FBXO11: variants seen among roughly 807,000 people sequenced by gnomAD.
FBXO11 encodes F-box only protein 11.
In FBXO11, 13 loss-of-function variants were observed where a neutral mutation model predicts 117.0. That is an observed-to-expected ratio of 0.11 (90% confidence interval 0.07 to 0.18). The LOEUF is 0.18. Ranked by LOEUF, FBXO11 falls within the 10% of genes least tolerant of loss-of-function variation. The pLI is 1.00. For synonymous variants in FBXO11, 490 were observed against 380.5 expected, an observed-to-expected ratio of 1.29 and a Z score of -3.35; for missense variants, 767 against 1,164.4, an observed-to-expected ratio of 0.66 and a Z score of 4.97.
intron 1 of FBXO11, among the ~76,000 whole-genome samples, chr2:47,848,759 G>T (rs986763146): frequency 6.6e-6 from 1 of 152,090 alleles, no homozygotes; most frequent in Non-Finnish European, 1.5e-5. Flanking sequence ...GATAATAAAT[G>T]TAGCACTGAA....
intron 1 of FBXO11, among the ~76,000 whole-genome samples, chr2:47,878,498 A>G: frequency 6.6e-6 from 1 of 151,918 alleles, no homozygotes; most frequent in East Asian, 2.0e-4. Context: ...CTGGGATTAC[A>G]GGTGCCTGCC....
In FBXO11 at chr2:47,818,950, T is replaced by C. The variant is rs752672905; in HGVS notation, c.1920+6A>G. 3 of 1,612,700 alleles carry C rather than the reference T, an allele frequency of 1.9e-6. No homozygotes were observed. The Admixed American group carries it at 5.0e-5, about 27-fold the overall frequency. On this transcript the variant is annotated splice_donor_region_variant and intron_variant, in intron 15 of 22. Coordinates refer to ENST00000403359, the MANE Select transcript of FBXO11 (RefSeq NM_001190274.2). The stretch of plus-strand genomic sequence containing the variant: ...TTTCCCATCCAAGAGTCCAGGCTAA[T>C]CCTACCTGCTTGCCACTGTGTATCC...
chr2:47,840,251 C>CT lies in FBXO11; in HGVS notation c.233-483dup, dbSNP rs570875844. On this transcript the variant is annotated intron_variant, in intron 1 of 22. Transcript: ENST00000403359. ...AGCCACCACGCCCAGCCGTGGAAGA[C>CT]TTTTTTTTAAAAAAAGGTGAGGAGG... 8.8e-4 allele frequency among the ~76,000 whole-genome samples: 133 copies of CT among 151,678 alleles called. 1 individual carries two copies. The highest frequency in any genetic ancestry group is 3.0e-3 in the African/African-American group (124 of 41,412).
chr2:47,847,712 A>T (rs995068116), intron 1 of FBXO11, among the ~76,000 whole-genome samples: 4 of 152,084 alleles, frequency 2.6e-5, no homozygotes, highest in African/African-American at 4.8e-5. Context: ...TCAAACGAAC[A>T]AATAAACAAA....
chr2:47,905,415 C>G (rs1678707631), intron 1 of FBXO11, 74 bp downstream of exon 1: 1 of 1,114,382 alleles, frequency 9.0e-7, no homozygotes, highest in African/African-American at 2.2e-5. Context: ...CGCCCGCCCG[C>G]CCGCCCGCCC....
intron 1 of FBXO11, among the ~76,000 whole-genome samples, chr2:47,890,533 G>A (rs996930343): frequency 5.9e-5 from 9 of 152,074 alleles, no homozygotes; most frequent in African/African-American, 1.7e-4. Flanking sequence ...GGCAGGGCAC[G>A]GTGGCTCACA....
intron 11 of FBXO11, among the ~76,000 whole-genome samples, chr2:47,823,628 C>T (rs772309609): frequency 2.6e-5 from 4 of 151,966 alleles, no homozygotes; most frequent in African/African-American, 9.7e-5. Flanking sequence ...TGGCTCACAC[C>T]TGTAATCCCA....
chr2:47,832,996 C>T lies in FBXO11; in HGVS notation c.1009G>A (p.Glu337Lys). 6.2e-7 allele frequency: 1 copy of T among 1,613,606 alleles called. No homozygotes were observed. Among genetic ancestry groups the T allele is most frequent in the Non-Finnish European group, 8.5e-7 (1 of 1,179,586 alleles). ...GTCATATATCCAACATAAGCATCTTCAGAGCCTTCCATAAAAACGAAGGTT... is the reference window on the plus strand; with the variant it reads ...GTCATATATCCAACATAAGCATCTTTAGAGCCTTCCATAAAAACGAAGGTT... ...DSTFVFMEGS[E>K]DAYVGYMTIR... is the part of the protein sequence containing the mutation. The change falls in exon 8 of 23, where the codon GAA becomes AAA. Residue 337 changes from glutamate (E) to lysine (K), a missense_variant. Glu to Lys is a moderately conservative substitution (Grantham distance 56, BLOSUM62 1). Around this residue, in one of 10 missense-constraint regions of FBXO11, gnomAD observed 123 missense variants for 145.0 expected, o/e 0.85. Coordinates refer to ENST00000403359, the MANE Select transcript of FBXO11 (RefSeq NM_001190274.2).
Position 47,866,752 on chromosome 2 carries a change from G to A in FBXO11, c.233-26983C>T, listed in dbSNP as rs542628937. 1.1e-4 allele frequency among the ~76,000 whole-genome samples: 16 copies of A among 152,192 alleles called. No individual in the cohort carries two copies. In the East Asian group the frequency reaches 2.7e-3, roughly 26 times the overall value. On this transcript the variant is annotated intron_variant, in intron 1 of 22. Coordinates refer to ENST00000403359, the MANE Select transcript of FBXO11 (RefSeq NM_001190274.2). ...CTCCCAAAGTGCTGGGATTACAGGC[G>A]TGAGCCACTGCGCCCGGCCTATGCT... is the stretch of plus-strand genomic sequence containing the variant.
At chr2:47,817,669 G>T (rs546158014) in intron 16 of FBXO11, among the ~76,000 whole-genome samples, 1 of 152,306 alleles carries the variant, frequency 6.6e-6, no homozygotes, top group South Asian at 2.1e-4. Context: ...GCCATTTGAG[G>T]ATTACTAATT....
chr2:47,818,962 G>T lies in FBXO11; in HGVS notation c.1914C>A (p.Gly638=). ...PVLRRNRIHS[G]KQVGVYFYDN... is the part of the protein sequence containing the mutation. ...GAGTCCAGGCTAATCCTACCTGCTTGCCACTGTGTATCCGGTTTCTTCTCA... is the reference window on the plus strand; with the variant it reads ...GAGTCCAGGCTAATCCTACCTGCTTTCCACTGTGTATCCGGTTTCTTCTCA... Residue 638 remains glycine, a synonymous_variant, in exon 15 of 23, where the codon GGC becomes GGA. Transcript: ENST00000403359. 6.2e-7 allele frequency: 1 copy of T among 1,613,242 alleles called. No individual in the cohort carries two copies. The highest frequency in any genetic ancestry group is 8.5e-7 in the Non-Finnish European group (1 of 1,179,870).
At chr2:47,840,582 C>G (rs1672941336) in intron 1 of FBXO11, among the ~76,000 whole-genome samples, 1 of 151,268 alleles carries the variant, frequency 6.6e-6, no homozygotes, top group African/African-American at 2.4e-5. Flanking sequence ...TCCCAAGCAG[C>G]TGGGGCTACA....
intron 1 of FBXO11, among the ~76,000 whole-genome samples, chr2:47,856,790 C>A (rs1674330587): frequency 6.6e-6 from 1 of 152,160 alleles, no homozygotes; most frequent in African/African-American, 2.4e-5. Flanking sequence ...ATTATATTAT[C>A]AACTGTGATA....
At chr2:47,825,659 C>T (rs1671699072) in intron 11 of FBXO11, among the ~76,000 whole-genome samples, 1 of 149,972 alleles carries the variant, frequency 6.7e-6, no homozygotes, top group Admixed American at 6.7e-5. Context: ...TCACTGAAGC[C>T]TCAATCTCCT....
chr2:47,899,943 ACGGTGGGG>A (rs1677975608), intron 1 of FBXO11, among the ~76,000 whole-genome samples: 1 of 140,506 alleles, frequency 7.1e-6, no homozygotes, highest in South Asian at 2.6e-4. Flanking sequence ...GTTAAAACAA[ACGGTGGGG>A]GGCGGGGGGA....
intron 1 of FBXO11, among the ~76,000 whole-genome samples, chr2:47,882,809 A>C (rs1676532145): frequency 6.6e-6 from 1 of 151,952 alleles, no homozygotes; most frequent in Middle Eastern, 3.2e-3. Context: ...AAGCCACCAC[A>C]CCCGGCTAAT....
rs929229146 is a variant in FBXO11, at chr2:47,905,541, C to A, written c.180G>T (p.Pro60=). 3.5e-5 allele frequency: 43 copies of A among 1,238,504 alleles called. No individual in the cohort carries two copies. In the African/African-American group the frequency reaches 5.2e-4, roughly 15 times the overall value. 76.7% of individuals were successfully genotyped at this position (1,238,504 alleles called of 1,614,324 possible). A position where few individuals can be genotyped will look rare whatever the true frequency, so the allele number is the denominator to read the frequency against. Reference sequence around the variant, plus strand: ...GAGGCAGCGGCGGAGGCGGCGGTGGCGGCGGCGGAGGCTGCTGCTGCTGCT... The same window carrying A: ...GAGGCAGCGGCGGAGGCGGCGGTGGAGGCGGCGGAGGCTGCTGCTGCTGCT... ...QQQQQQQPPP[P]PPPPPPLPQE... is the part of the protein sequence containing the mutation. The change falls in exon 1 of 23, where the codon CCG becomes CCT. Residue 60 remains proline (P), a synonymous_variant. Transcript: ENST00000403359.
intron 1 of FBXO11, among the ~76,000 whole-genome samples, chr2:47,896,817 AAGTG>A (rs1230276900): frequency 2.7e-4 from 41 of 152,336 alleles, no homozygotes; most frequent in African/African-American, 7.2e-4. Context: ...ATATGAAATA[AAGTG>A]AGTGAGTCTA....
intron 1 of FBXO11, among the ~76,000 whole-genome samples, chr2:47,872,063 T>A (rs934782895): frequency 6.6e-6 from 1 of 152,232 alleles, no homozygotes; most frequent in Admixed American, 6.5e-5. Context: ...CGTTTTCTTT[T>A]TCCGGCACCA....
Sources: gnomAD v4.1 joint callset for allele counts (sites outside exome capture counted in the v4.1 genomes callset) on GRCh38, gnomAD v4.1.1 for gene constraint, gnomAD v4.1.1 regional missense constraint, MANE v1.5 for transcripts, NCBI Gene and HGNC (gene_info 2026-07-23, HGNC 2026-07-21) for gene names.